Variants in KIF15 observed in about 807,000 individuals in gnomAD.
KIF15 encodes the protein kinesin family member 15.
A neutral mutation model predicts 190.6 loss-of-function variants in KIF15; 140 were observed. The ratio of observed to expected loss-of-function variants is 0.73; its 90% confidence interval spans 0.64 to 0.84. The LOEUF (loss-of-function observed/expected upper bound fraction) is 0.84. KIF15 is among the 40% of genes least tolerant of loss of function. The pLI, the probability that KIF15 is intolerant of heterozygous loss-of-function variation, is 0.00. For missense variants in KIF15, 1,372 were observed against 1,584.4 expected, an observed-to-expected ratio of 0.87 and a Z score of 2.28; for synonymous variants, 528 against 551.3, an observed-to-expected ratio of 0.96 and a Z score of 0.59.
chr3:44,824,110 T>A (rs920776529), intron 20 of KIF15, among the ~76,000 whole-genome samples: 3 of 152,222 alleles, frequency 2.0e-5, no homozygotes, highest in Admixed American at 2.0e-4. Flanking sequence ...CGCTGGGAGC[T>A]GCAGACTGCA....
chr3:44,771,743 T>C (rs1705649426), intron 1 of KIF15, among the ~76,000 whole-genome samples: 1 of 152,258 alleles, frequency 6.6e-6, no homozygotes, highest in Admixed American at 6.5e-5. Flanking sequence ...GAGAACCTTG[T>C]TGTGCTTTTA....
intron 7 of KIF15, among the ~76,000 whole-genome samples, chr3:44,789,866 C>G (rs1335456896): frequency 6.6e-6 from 1 of 151,584 alleles, no homozygotes; most frequent in Non-Finnish European, 1.5e-5. Flanking sequence ...AAAAGCATCA[C>G]CAAACTTCTC....
intron 7 of KIF15, among the ~76,000 whole-genome samples, chr3:44,790,110 C>T (rs1355888431): frequency 6.6e-5 from 10 of 152,190 alleles, no homozygotes; most frequent in Admixed American, 2.0e-4. Flanking sequence ...ACAAATATGG[C>T]GGGCTCACTG....
At chr3:44,836,695 C>G (rs192708277) in intron 26 of KIF15, among the ~76,000 whole-genome samples, 7 of 152,312 alleles carry the variant, frequency 4.6e-5, no homozygotes, top group Admixed American at 4.6e-4. Flanking sequence ...ATTAGGAGTT[C>G]AGCCTAGGTC....
chr3:44,859,449 G>A (rs754199417), intron 6 of KIF15, among the ~76,000 whole-genome samples: 1 of 152,094 alleles, frequency 6.6e-6, no homozygotes, highest in Middle Eastern at 3.2e-3. Context: ...TGGATCACTT[G>A]GGCCCAGGGG....
At chr3:44,823,654 G>A (rs1040567937) in intron 20 of KIF15, among the ~76,000 whole-genome samples, 8 of 152,350 alleles carry the variant, frequency 5.3e-5, no homozygotes, top group African/African-American at 1.7e-4. Flanking sequence ...TTGCTGAGCT[G>A]TGGTGGGCTC....
In KIF15 at chr3:44,810,959, T is replaced by C; in HGVS notation, c.2085T>C (p.Asp695=). 1 of 1,613,442 alleles carries C rather than the reference T, an allele frequency of 6.2e-7. No homozygotes were observed. Among genetic ancestry groups the C allele is most frequent in the Non-Finnish European group, 8.5e-7 (1 of 1,179,692 alleles). ...SLYTQNSSIL[D]NDILNEPVPP... is the part of the protein sequence containing the mutation. Reference sequence around the variant, plus strand: ...ACACTCAGAATTCTAGCATATTAGATAATGATATATTAAATGAGCCAGTTC... The same window carrying C: ...ACACTCAGAATTCTAGCATATTAGACAATGATATATTAAATGAGCCAGTTC... The change falls in exon 17 of 35, where the codon GAT becomes GAC. Residue 695 remains aspartate (D), a synonymous_variant. Coordinates refer to ENST00000326047, the MANE Select transcript of KIF15 (RefSeq NM_020242.3).
At chr3:44,780,657 G>A (rs1706120111) in intron 4 of KIF15, among the ~76,000 whole-genome samples, 1 of 152,174 alleles carries the variant, frequency 6.6e-6, no homozygotes, top group African/African-American at 2.4e-5. Context: ...AACTCTGATG[G>A]CTATGTTTGT....
chr3:44,778,360 G>A (rs186555209), intron 4 of KIF15, among the ~76,000 whole-genome samples, 169 bp downstream of exon 4: 19 of 152,322 alleles, frequency 1.2e-4, no homozygotes, highest in African/African-American at 4.3e-4. Context: ...AAATCAAGGC[G>A]TCAGCAGGGA....
intron 27 of KIF15, among the ~76,000 whole-genome samples, chr3:44,839,024 T>C (rs1454329118): frequency 6.6e-6 from 1 of 152,224 alleles, no homozygotes; most frequent in Admixed American, 6.5e-5. Context: ...ATGACTGTTT[T>C]GTTACTTGTG....
At chr3:44,777,482 AG>A (rs1463881885) in intron 3 of KIF15, among the ~76,000 whole-genome samples, 1 of 152,102 alleles carries the variant, frequency 6.6e-6, no homozygotes, top group Non-Finnish European at 1.5e-5. Context: ...TCACGAGGTC[AG>A]GAGTTTGAGA....
chr3:44,864,474 C>T, intron 6 of KIF15: 1 of 1,096,582 alleles, frequency 9.1e-7, no homozygotes, highest in Non-Finnish European at 1.3e-6. Flanking sequence ...GTGGCTTGAC[C>T]CCTGGATGAG....
At chr3:44,821,204 T>G (rs1375825072) in intron 20 of KIF15, among the ~76,000 whole-genome samples, 2 of 106,536 alleles carry the variant, frequency 1.9e-5, no homozygotes, top group African/African-American at 7.3e-5. Flanking sequence ...TAGGGGCGGC[T>G]GGGCAGAGGC....
chr3:44,808,272 A>G (rs1707611898), intron 16 of KIF15, among the ~76,000 whole-genome samples: 1 of 152,128 alleles, frequency 6.6e-6, no homozygotes, highest in East Asian at 1.9e-4. Context: ...TTCTCGTCCT[A>G]CTTCTTCCTT....
chr3:44,805,332 T>C (rs1183842026), intron 15 of KIF15, among the ~76,000 whole-genome samples, 164 bp downstream of exon 15: 1 of 152,224 alleles, frequency 6.6e-6, no homozygotes, highest in African/African-American at 2.4e-5. Flanking sequence ...AGCTCTTTAC[T>C]AATATATTCA....
intron 26 of KIF15, among the ~76,000 whole-genome samples, chr3:44,831,906 G>T (rs145840797): frequency 1.9e-4 from 29 of 152,212 alleles, no homozygotes; most frequent in African/African-American, 7.0e-4. Context: ...AAATAAAGGG[G>T]TTTTGGCTAA....
intron 1 of KIF15, among the ~76,000 whole-genome samples, chr3:44,767,460 G>A (rs1452081264): frequency 6.6e-6 from 1 of 152,200 alleles, no homozygotes; most frequent in East Asian, 1.9e-4. Flanking sequence ...TAAGCAACTG[G>A]AAAGATGGAG....
intron 26 of KIF15, among the ~76,000 whole-genome samples, chr3:44,834,399 C>T (rs977434956): frequency 6.6e-6 from 1 of 152,142 alleles, no homozygotes; most frequent in African/African-American, 2.4e-5. Context: ...CTCCAAAATA[C>T]TGTCTGAATA....
At chr3:44,853,943 A>G (rs72875775), downstream of KIF15, among the ~76,000 whole-genome samples, 1,771 of 152,350 alleles carry the variant, frequency 0.012, 31 homozygotes, top group African/African-American at 0.039. Flanking sequence ...CAGAAAAGGC[A>G]AAATTATAGA....
Sources: allele counts gnomAD v4.1 joint callset (sites outside exome capture counted in the v4.1 genomes callset), GRCh38; gene constraint gnomAD v4.1.1; transcripts MANE v1.5; gene names NCBI Gene and HGNC (gene_info 2026-07-23, HGNC 2026-07-21).